OTOGL: variants seen among roughly 807,000 people sequenced by gnomAD.
OTOGL encodes otogelin-like protein.
In OTOGL, 285 loss-of-function variants were observed where a neutral mutation model predicts 318.5. The observed-to-expected ratio is 0.89, with a 90% CI of 0.81 to 0.99. The LOEUF is 0.99. Among genes scored for constraint, OTOGL ranks in the 50% least tolerant of loss-of-function variants. OTOGL has a pLI of 0.00. For missense variants in OTOGL, 2,899 were observed against 2,845.6 expected, an observed-to-expected ratio of 1.02 and a Z score of -0.43; for synonymous variants, 987 against 936.5, an observed-to-expected ratio of 1.05 and a Z score of -0.99.
intron 1 of OTOGL, among the ~76,000 whole-genome samples, chr12:80,117,033 T>A (rs1344155235): frequency 6.6e-6 from 1 of 152,158 alleles, no homozygotes; most frequent in Admixed American, 6.5e-5. Context: ...TCCATTGGCA[T>A]GAAGTCTGTG....
chr12:80,239,286 A>G, intron 10 of OTOGL, 47 bp from the exon 11 acceptor site: 1 of 1,360,858 alleles, frequency 7.3e-7, no homozygotes, highest in Non-Finnish European at 1.0e-6. Context: ...AAGACTATAC[A>G]CATACCATGA....
rs1457464197 is a variant in OTOGL, at chr12:80,113,710, A to G, written c.-20+14105A>G. Among the ~76,000 whole-genome samples the G allele has an allele frequency of 2.6e-5, 4 of 152,204 alleles. No homozygotes were observed. The East Asian group carries it at 7.7e-4, about 29-fold the overall frequency. On this transcript the variant is annotated intron_variant, in intron 1 of 58. Transcript: ENST00000547103. ...TGTTAATTTTTTGTCTCACTGATCTAATATTGACAGTGTGGGAGTACTATT... is the reference window on the plus strand; with the variant it reads ...TGTTAATTTTTTGTCTCACTGATCTGATATTGACAGTGTGGGAGTACTATT...
chr12:80,271,052 G>A (rs1000450037), intron 23 of OTOGL, among the ~76,000 whole-genome samples: 1 of 152,118 alleles, frequency 6.6e-6, no homozygotes, highest in African/African-American at 2.4e-5. Context: ...TACAAGACAT[G>A]TTTATGGACC....
chr12:80,126,915 TA>T (rs1039080033), intron 1 of OTOGL, among the ~76,000 whole-genome samples: 20 of 152,190 alleles, frequency 1.3e-4, no homozygotes, highest in Admixed American at 3.9e-4. Flanking sequence ...TCCACCCTTT[TA>T]TTTTGAGCCT....
At chr12:80,189,524 TGGAAGAAGTGAATTTCTA>T in intron 1 of OTOGL, 1 of 910,264 alleles carries the variant, frequency 1.1e-6, no homozygotes, top group Non-Finnish European at 1.3e-6. Flanking sequence ...ATTCATTTCT[TGGAAGAAGTGAATTTCTA>T]GGAAGCTTCT....
At chr12:80,175,818 A>G (rs1341081483) in intron 1 of OTOGL, among the ~76,000 whole-genome samples, 5 of 152,222 alleles carry the variant, frequency 3.3e-5, no homozygotes, top group East Asian at 3.8e-4. Context: ...TGAGGTTTCA[A>G]TGTGACTGCT....
intron 1 of OTOGL, among the ~76,000 whole-genome samples, chr12:80,150,009 A>G (rs942660764): frequency 1.3e-5 from 2 of 152,052 alleles, no homozygotes; most frequent in Non-Finnish European, 2.9e-5. Context: ...GAAATCACCC[A>G]TCTTCTGCGT....
At chr12:80,352,159 A>C (rs1344391197) in intron 44 of OTOGL, 136 bp from the exon 45 acceptor site, 2 of 770,600 alleles carry the variant, frequency 2.6e-6, no homozygotes, top group Non-Finnish European at 3.9e-6. Flanking sequence ...AGAATTTTTG[A>C]AAATGTAAAG....
chr12:80,326,943 T>C (rs1488286948), intron 35 of OTOGL, among the ~76,000 whole-genome samples: 1 of 152,220 alleles, frequency 6.6e-6, no homozygotes, highest in Non-Finnish European at 1.5e-5. Flanking sequence ...AAACGAGGCC[T>C]TCAACACTTT....
chr12:80,318,271 A>C (rs1421943092), intron 32 of OTOGL, among the ~76,000 whole-genome samples: 2 of 152,186 alleles, frequency 1.3e-5, no homozygotes, highest in Non-Finnish European at 2.9e-5. Context: ...GAAGAGGGAA[A>C]GTAAAATACA....
Position 80,358,756 on chromosome 12 carries a change from T to C in OTOGL, c.6207T>C (p.Cys2069=). 1.9e-6 allele frequency: 3 copies of C among 1,609,718 alleles called. No individual in the cohort carries two copies. Among genetic ancestry groups the C allele is most frequent in the Non-Finnish European group, 2.6e-6 (3 of 1,176,430 alleles). Residue 2069 remains cysteine (C), a synonymous_variant, in exon 51 of 59, where the codon TGT becomes TGC. Transcript: ENST00000547103. ...TGAAAGAAAATGTATCTGGTCAATGTTGCCCAACATGGCACTGTGGTAACT... is the reference window on the plus strand; with the variant it reads ...TGAAAGAAAATGTATCTGGTCAATGCTGCCCAACATGGCACTGTGGTAACT... ...NLVKENVSGQ[C]CPTWHCECNC...
intron 1 of OTOGL, among the ~76,000 whole-genome samples, chr12:80,121,674 C>G (rs1201480669): frequency 1.3e-5 from 2 of 152,180 alleles, no homozygotes; most frequent in Non-Finnish European, 2.9e-5. Context: ...AAACACTTCT[C>G]TTCGTATCAT....
chr12:80,370,749 GA>G, intron 56 of OTOGL, 60 bp downstream of exon 56: 9 of 1,263,720 alleles, frequency 7.1e-6, no homozygotes, highest in East Asian at 2.7e-5. Context: ...AATACACATT[GA>G]TATTTTCTAA....
rs370482271 is a variant in OTOGL, at chr12:80,105,778, G to A, written c.-20+6173G>A. Among the ~76,000 whole-genome samples the A allele has an allele frequency of 1.3e-4, 20 of 152,094 alleles. No homozygotes were observed. In the East Asian group the frequency reaches 2.7e-3, roughly 21 times the overall value. On this transcript the variant is annotated intron_variant, in intron 1 of 58. Transcript: ENST00000547103. ...TAAGAAGTGGTAAATTGGTATCCCC[G>A]GCATGACTACATTTAAATAACTATA...
chr12:80,260,572 T>C (rs945928539), intron 18 of OTOGL, among the ~76,000 whole-genome samples: 2 of 152,288 alleles, frequency 1.3e-5, no homozygotes, highest in African/African-American at 4.8e-5. Flanking sequence ...TAAAACTCTT[T>C]CTTCACAAAG....
intron 11 of OTOGL, among the ~76,000 whole-genome samples, chr12:80,243,024 G>T (rs1424654400): frequency 2.7e-5 from 4 of 149,330 alleles, no homozygotes; most frequent in African/African-American, 5.1e-5. Flanking sequence ...TGAAAACCAA[G>T]ATTTTTTTTT....
intron 35 of OTOGL, among the ~76,000 whole-genome samples, chr12:80,326,792 T>C (rs1164392914): frequency 1.3e-5 from 2 of 152,238 alleles, no homozygotes; most frequent in Non-Finnish European, 2.9e-5. Flanking sequence ...GATGGCTAAA[T>C]GTGTTTCATT....
At chr12:80,256,603 C>T in intron 17 of OTOGL, 143 bp downstream of exon 17, 1 of 1,258,060 alleles carries the variant, frequency 7.9e-7, no homozygotes, top group South Asian at 1.7e-5. Context: ...TGTCATCAGG[C>T]CATCAGCTAC....
chr12:80,366,868 T>A (rs1029462125), intron 53 of OTOGL, among the ~76,000 whole-genome samples: 1 of 151,890 alleles, frequency 6.6e-6, no homozygotes, highest in Non-Finnish European at 1.5e-5. Context: ...TTCAGAGGCC[T>A]CAGAGAATTT....
Sources: gnomAD v4.1 joint callset for allele counts (sites outside exome capture counted in the v4.1 genomes callset) on GRCh38, gnomAD v4.1.1 for gene constraint, MANE v1.5 for transcripts, NCBI Gene and HGNC (gene_info 2026-07-23, HGNC 2026-07-21) for gene names.